LRP12: variants seen among roughly 807,000 people sequenced by gnomAD.
The protein encoded by LRP12 is low-density lipoprotein receptor-related protein 12.
Under a neutral mutation model 66.0 loss-of-function variants are expected in LRP12, and 14 were observed. The observed-to-expected ratio is 0.21, with a 90% confidence interval of 0.14 to 0.33. The LOEUF (loss-of-function observed/expected upper bound fraction) is 0.33, where lower values mean the gene tolerates loss of function less well. Ranked by LOEUF, LRP12 falls within the 10% of genes least tolerant of loss-of-function variation. LRP12 has a pLI of 1.00. For missense variants in LRP12, 889 were observed against 1,053.4 expected, an observed-to-expected ratio of 0.84 and a Z score of 2.16; for synonymous variants, 357 against 359.1, an observed-to-expected ratio of 0.99 and a Z score of 0.07.
At chr8:104,568,407 C>G (rs886664479) in intron 1 of LRP12, among the ~76,000 whole-genome samples, 3 of 152,082 alleles carry the variant, frequency 2.0e-5, no homozygotes, top group Admixed American at 2.0e-4. Context: ...ACACAAGTAA[C>G]AAAAACTAGG....
At position 104,498,091 on chromosome 8, in the gene LRP12, GTAGAAA is replaced by G; in HGVS notation, c.476-21_476-16del. ...CTCAGATTTCCCTGTGAAGATGTGAGTAGAAATAGATGGAAAGAGAAGGAGAAAAAT... is the reference window on the plus strand; with the variant it reads ...CTCAGATTTCCCTGTGAAGATGTGAGTAGATGGAAAGAGAAGGAGAAAAAT... On this transcript the variant is annotated splice_polypyrimidine_tract_variant and intron_variant, in intron 4 of 6. Transcript: ENST00000276654. 6.4e-7 allele frequency: 1 copy of G among 1,553,400 alleles called. No homozygotes were observed. Among genetic ancestry groups the G allele is most frequent in the Non-Finnish European group, 8.7e-7 (1 of 1,152,890 alleles).
chr8:104,588,721 C>T (rs1812376942), intron 1 of LRP12, 98 bp downstream of exon 1: 6 of 1,003,942 alleles, frequency 6.0e-6, no homozygotes, highest in Non-Finnish European at 8.9e-6. Flanking sequence ...CCAGGGTCTC[C>T]GCGGGAGTCT....
intron 2 of LRP12, among the ~76,000 whole-genome samples, chr8:104,515,449 A>G (rs912514429): frequency 3.3e-5 from 5 of 152,216 alleles, no homozygotes; most frequent in Non-Finnish European, 7.3e-5. Flanking sequence ...TGAAAACCCT[A>G]TAGAAGCTGC....
At chr8:104,559,406 GA>G (rs1811866964) in intron 1 of LRP12, among the ~76,000 whole-genome samples, 1 of 152,102 alleles carries the variant, frequency 6.6e-6, no homozygotes, top group African/African-American at 2.4e-5. Context: ...GCTAAGCTAT[GA>G]GGGCTCAAAG....
chr8:104,495,992 ATC>A (rs1564128648), intron 5 of LRP12: 2 of 152,114 alleles, frequency 1.3e-5, no homozygotes, highest in Admixed American at 1.3e-4. Flanking sequence ...GATACTGTGC[ATC>A]TGTGTGCCAC....
chr8:104,569,119 A>C (rs923482093), intron 1 of LRP12, among the ~76,000 whole-genome samples: 8 of 152,210 alleles, frequency 5.3e-5, no homozygotes, highest in African/African-American at 1.9e-4. Context: ...TCATGCTATG[A>C]CATGAATAAG....
Position 104,490,799 on chromosome 8 carries a change from C to A in LRP12, c.2454G>T (p.Arg818Ser). The A allele has an allele frequency of 6.2e-7, 1 of 1,614,080 alleles. No homozygotes were observed. Among genetic ancestry groups the A allele is most frequent in the East Asian group, 2.2e-5 (1 of 44,872 alleles). ...CACAGGGGCCATCTCGATTACTTGG[C>A]CTTACTCCAGGATTTGTTGCATTAT... ...QPYNATNPGV[R>S]PSNRDGPCER... Residue 818 changes from arginine to serine, a missense_variant, in exon 7 of 7, where the codon AGG becomes AGT. Coordinates refer to ENST00000276654, the MANE Select transcript of LRP12 (RefSeq NM_013437.5).
intron 1 of LRP12, among the ~76,000 whole-genome samples, chr8:104,572,305 G>A (rs939569195): frequency 2.0e-5 from 3 of 152,164 alleles, no homozygotes; most frequent in Non-Finnish European, 4.4e-5. Flanking sequence ...TGGGGGTGAT[G>A]AACTGTTCTA....
chr8:104,534,907 CA>C (rs1811373168), intron 1 of LRP12, among the ~76,000 whole-genome samples: 1 of 151,528 alleles, frequency 6.6e-6, no homozygotes, highest in Admixed American at 6.6e-5. Context: ...TCCCAAACCC[CA>C]AGAAAATTTC....
At chr8:104,534,870 G>C (rs1179068420) in intron 1 of LRP12, among the ~76,000 whole-genome samples, 5 of 151,558 alleles carry the variant, frequency 3.3e-5, no homozygotes, top group Non-Finnish European at 5.9e-5. Context: ...TTAACACAAA[G>C]CAAATTACAT....
intron 1 of LRP12, among the ~76,000 whole-genome samples, chr8:104,532,358 A>T (rs1811336860): frequency 6.6e-6 from 1 of 151,506 alleles, no homozygotes; most frequent in Non-Finnish European, 1.5e-5. Flanking sequence ...TGTCAGGGCC[A>T]CATATGTTGG....
chr8:104,494,187 G>A (rs756748220), intron 6 of LRP12, among the ~76,000 whole-genome samples: 10 of 152,174 alleles, frequency 6.6e-5, no homozygotes, highest in South Asian at 2.1e-4. Context: ...TAGCAGGGCT[G>A]ATATAAAGAA....
At chr8:104,536,905 TA>T (rs1811399550) in intron 1 of LRP12, among the ~76,000 whole-genome samples, 1 of 151,920 alleles carries the variant, frequency 6.6e-6, no homozygotes, top group Non-Finnish European at 1.5e-5. Context: ...TTTGTAAATA[TA>T]AACAATAGCC....
intron 3 of LRP12, among the ~76,000 whole-genome samples, chr8:104,503,328 C>CAAAAAAAAA (rs59353283): frequency 6.6e-5 from 2 of 30,092 alleles, no homozygotes; most frequent in East Asian, 1.6e-3. Flanking sequence ...CTGTGTCTCT[C>CAAAAAAAAA]AAAAAAAAAA....
intron 1 of LRP12, among the ~76,000 whole-genome samples, chr8:104,585,120 C>T (rs566822825): frequency 1.9e-4 from 29 of 152,296 alleles, no homozygotes; most frequent in African/African-American, 6.0e-4. Flanking sequence ...AACAGTTCTA[C>T]GACTATCAAA....
chr8:104,497,966 C>T lies in LRP12; in HGVS notation c.586G>A (p.Asp196Asn), dbSNP rs1160050007. The T allele has an allele frequency of 1.9e-6, 3 of 1,614,030 alleles. No individual in the cohort carries two copies. The highest frequency in any genetic ancestry group is 1.1e-5 in the South Asian group (1 of 91,082). The change falls in exon 5 of 7, where the codon GAT becomes AAT. Residue 196 changes from aspartate (D) to asparagine (N), a missense_variant. Asp to Asn is a conservative substitution (Grantham distance 23, BLOSUM62 1). Coordinates refer to ENST00000276654, the MANE Select transcript of LRP12 (RefSeq NM_013437.5). The surrounding 1 kb of genome is among the most constrained non-coding windows in gnomAD (Gnocchi z 4.3). The part of the protein sequence containing the change: ...NNMDECGDSS[D>N]EEICAKEANP... ...GCTTCTTTGGCACAGATCTCTTCAT[C>T]GGAACTATCTCCACATTCATCCATG...
intron 2 of LRP12, among the ~76,000 whole-genome samples, chr8:104,519,630 A>G (rs1811118877): frequency 6.6e-6 from 1 of 151,990 alleles, no homozygotes; most frequent in South Asian, 2.1e-4. Flanking sequence ...AGCAATATTT[A>G]CTAGTCTAAG....
In LRP12 at chr8:104,523,820, TCAAA is replaced by T. The variant is rs751738306; in HGVS notation, c.136+8083_136+8086del. Among the ~76,000 whole-genome samples the T allele has an allele frequency of 1.0e-3, 156 of 152,288 alleles. 1 individual carries two copies. Among genetic ancestry groups the T allele is most frequent in the African/African-American group, 2.7e-3 (111 of 41,570 alleles). ...TCTGCAACTGCAGCTGCCCATCTTA[TCAAA>T]CAGATGACTCATCTGTAAATAGATA... On this transcript the variant is annotated intron_variant, in intron 2 of 6. Transcript: ENST00000276654.
intron 3 of LRP12, chr8:104,505,129 C>T (rs1810887368): frequency 1.3e-5 from 2 of 152,234 alleles, no homozygotes; most frequent in African/African-American, 4.8e-5. Flanking sequence ...GTAATCCTCC[C>T]ACCTCAGCCT....
Sources: gnomAD v4.1 joint callset for allele counts (sites outside exome capture counted in the v4.1 genomes callset) on GRCh38, gnomAD v4.1.1 for gene constraint, Gnocchi (gnomAD v3.1) non-coding constraint, MANE v1.5 for transcripts, NCBI Gene and HGNC (gene_info 2026-07-23, HGNC 2026-07-21) for gene names.